The following MAPT variants were observed in gnomAD, a reference collection of about 807,000 sequenced individuals.
MAPT encodes microtubule-associated protein tau.
In MAPT, 34 loss-of-function variants were observed where a neutral mutation model predicts 67.9. The observed-to-expected ratio is 0.50, with a 90% confidence interval of 0.38 to 0.67. MAPT has a LOEUF of 0.67. Among genes scored for constraint, MAPT ranks in the 30% least tolerant of loss-of-function variants. The probability of loss-of-function intolerance (pLI) is 0.00; values close to 1 mark genes in which losing one functional copy is unlikely to be tolerated. For missense variants in MAPT, 881 were observed against 1,115.2 expected, an observed-to-expected ratio of 0.79 and a Z score of 2.99; for synonymous variants, 456 against 464.5, an observed-to-expected ratio of 0.98 and a Z score of 0.23.
At chr17:45,950,125 A>G (rs941944561) in intron 1 of MAPT, among the ~76,000 whole-genome samples, 5 of 151,750 alleles carry the variant, frequency 3.3e-5, no homozygotes, top group African/African-American at 1.2e-4. Flanking sequence ...GCAAGTTTCT[A>G]CCTCTCAGGT....
Position 45,996,590 on chromosome 17 carries a change from A to G in MAPT, c.1924A>G (p.Met642Val). 1.2e-6 allele frequency: 2 copies of G among 1,613,506 alleles called. No homozygotes were observed. Among genetic ancestry groups the G allele is most frequent in the Non-Finnish European group, 8.5e-7 (1 of 1,179,802 alleles). Residue 642 changes from methionine (M) to valine (V), a missense_variant, in exon 9 of 13, where the codon ATG (methionine) becomes GTG (valine). Met to Val is a conservative substitution (Grantham distance 21). Around this residue, in one of 6 missense-constraint regions of MAPT, gnomAD observed 45 missense variants for 43.2 expected, o/e 1.04. Coordinates refer to ENST00000262410, the MANE Select transcript of MAPT (RefSeq NM_001377265.1). The surrounding 1 kb of genome is among the most constrained non-coding windows in gnomAD (Gnocchi z 4.5). ...KSRLQTAPVP[M>V]PDLKNVKSKI... The stretch of plus-strand genomic sequence containing the variant: ...CCGCCTGCAGACAGCCCCCGTGCCC[A>G]TGCCAGACCTGAAGAATGTCAAGTC...
intron 3 of MAPT, 86 bp from the exon 4 acceptor site, chr17:45,978,289 A>C (rs1417554973): frequency 2.8e-6 from 3 of 1,064,186 alleles, no homozygotes; most frequent in Non-Finnish European, 4.4e-6. Flanking sequence ...TTAAGGGAAA[A>C]TGCCCGAAGG....
intron 8 of MAPT, among the ~76,000 whole-genome samples, chr17:45,994,175 C>G (rs1024621522): frequency 6.6e-6 from 1 of 152,190 alleles, no homozygotes; most frequent in Admixed American, 6.5e-5. Context: ...GCTTTCTAAT[C>G]CTGTGTGCTC....
intron 1 of MAPT, among the ~76,000 whole-genome samples, chr17:45,927,052 C>T (rs1418623849): frequency 2.0e-5 from 3 of 151,268 alleles, no homozygotes; most frequent in African/African-American, 7.3e-5. Context: ...ATTATATATG[C>T]AGAGAGTGCA....
In MAPT at chr17:45,990,045, C is replaced by A; in HGVS notation, c.1575C>A (p.Gly525=). 1.9e-6 allele frequency: 3 copies of A among 1,614,172 alleles called. No individual in the cohort carries two copies. In the South Asian group the frequency reaches 3.3e-5, roughly 18 times the overall value. The change falls in exon 7 of 13, where the codon GGC becomes GGA. Residue 525 remains glycine, a synonymous_variant. Coordinates refer to ENST00000262410, the MANE Select transcript of MAPT (RefSeq NM_001377265.1). Reference sequence around the variant, plus strand: ...TCTCTTCTGTCACTTCCCGAACTGGCAGTTCTGGAGCAAAGGAGATGAAAC... The same window carrying A: ...TCTCTTCTGTCACTTCCCGAACTGGAAGTTCTGGAGCAAAGGAGATGAAAC... ...KYVSSVTSRT[G]SSGAKEMKLK... is the part of the protein sequence containing the mutation.
At chr17:45,947,497 C>T (rs1270149899) in intron 1 of MAPT, among the ~76,000 whole-genome samples, 2 of 151,508 alleles carry the variant, frequency 1.3e-5, no homozygotes, top group Non-Finnish European at 2.9e-5. Flanking sequence ...AAGCAATTCT[C>T]CTGCCTCAGC....
chr17:46,004,272 G>T (rs930540644), intron 9 of MAPT, among the ~76,000 whole-genome samples: 1 of 152,194 alleles, frequency 6.6e-6, no homozygotes, highest in Non-Finnish European at 1.5e-5. Context: ...AGCCTTGAGA[G>T]AACTGAACCC....
At chr17:45,973,908 C>T (rs2072009538) in intron 3 of MAPT, 1 of 179,142 alleles carries the variant, frequency 5.6e-6, no homozygotes, top group South Asian at 1.3e-4. Context: ...TTGGAAGTCA[C>T]CTAGAGATGA....
intron 1 of MAPT, among the ~76,000 whole-genome samples, chr17:45,936,915 T>C (rs2067384148): frequency 2.0e-5 from 3 of 152,170 alleles, no homozygotes; most frequent in African/African-American, 7.2e-5. Context: ...CCCAGGGACA[T>C]AGAGCAGTGT....
At chr17:46,006,731 G>T (rs2075449885) in intron 9 of MAPT, among the ~76,000 whole-genome samples, 1 of 151,872 alleles carries the variant, frequency 6.6e-6, no homozygotes, top group Non-Finnish European at 1.5e-5. Context: ...TAGCTAACAT[G>T]GTGAAACCCC....
intron 1 of MAPT, among the ~76,000 whole-genome samples, chr17:45,918,034 A>G (rs1487240794): frequency 6.6e-6 from 1 of 152,068 alleles, no homozygotes; most frequent in African/African-American, 2.4e-5. Context: ...TCAGCCTCCC[A>G]AAGTGCTGGG....
At position 45,897,930 on chromosome 17, in the gene MAPT, T is replaced by G. The variant is rs1412595009; in HGVS notation, c.-18+3244T>G. The G allele has an allele frequency of 6.6e-6, 1 of 152,208 alleles. No individual in the cohort carries two copies. The highest frequency in any genetic ancestry group is 6.5e-5 in the Admixed American group (1 of 15,288). The allele number at this position is 152,208 out of a possible 1,614,324, so 9.4% of individuals were successfully genotyped here. ...TTGATTCTGGGGTGTCATTTTGTGT[T>G]TTGTGATGGCTGCTTATATTTACTG... On this transcript the variant is annotated intron_variant, in intron 1 of 12. Transcript: ENST00000262410. The surrounding 1 kb of genome is among the most constrained non-coding windows in gnomAD (Gnocchi z 5.0).
At chr17:45,998,760 C>T (rs1234273211) in intron 9 of MAPT, among the ~76,000 whole-genome samples, 2 of 152,120 alleles carry the variant, frequency 1.3e-5, no homozygotes, top group Admixed American at 6.5e-5. Flanking sequence ...GGGGACAATG[C>T]GCTCCCTCGT....
chr17:45,916,070 T>G (rs760416554), intron 1 of MAPT, among the ~76,000 whole-genome samples: 3 of 152,170 alleles, frequency 2.0e-5, no homozygotes, highest in Non-Finnish European at 2.9e-5. Flanking sequence ...CATGGTGGTC[T>G]CCGGTTCCTC....
In MAPT at chr17:45,926,155, G is replaced by A. The variant is rs576082110; in HGVS notation, c.-18+31469G>A. 7.9e-5 allele frequency among the ~76,000 whole-genome samples: 12 copies of A among 151,934 alleles called. No homozygotes were observed. The South Asian group carries it at 2.1e-3, about 26-fold the overall frequency. ...GAACCCAGGAGGTGGAGGTTGCAGTGAGCCAAGATCGTGCCACTGCACTCT... is the reference window on the plus strand; with the variant it reads ...GAACCCAGGAGGTGGAGGTTGCAGTAAGCCAAGATCGTGCCACTGCACTCT... On this transcript the variant is annotated intron_variant, in intron 1 of 12. Coordinates refer to ENST00000262410, the MANE Select transcript of MAPT (RefSeq NM_001377265.1).
At chr17:45,941,071 C>A (rs1471581564) in intron 1 of MAPT, among the ~76,000 whole-genome samples, 1 of 152,154 alleles carries the variant, frequency 6.6e-6, no homozygotes, top group African/African-American at 2.4e-5. Flanking sequence ...AGCCAGAGGG[C>A]TCCTGTTGGA....
intron 1 of MAPT, among the ~76,000 whole-genome samples, chr17:45,900,251 C>T (rs1412128557): frequency 1.3e-5 from 2 of 152,138 alleles, no homozygotes; most frequent in Non-Finnish European, 2.9e-5. Flanking sequence ...TCTGTCTCGC[C>T]CCTGTTGCCT....
At chr17:45,945,064 G>T (rs1287662765) in intron 1 of MAPT, among the ~76,000 whole-genome samples, 1 of 152,178 alleles carries the variant, frequency 6.6e-6, no homozygotes, top group Non-Finnish European at 1.5e-5. Flanking sequence ...ACCCACAAAG[G>T]TGTGGTTGGA....
chr17:45,987,727 T>C (rs1365315223), intron 6 of MAPT, among the ~76,000 whole-genome samples: 1 of 152,270 alleles, frequency 6.6e-6, no homozygotes, highest in Admixed American at 6.5e-5. Flanking sequence ...CACATAGCTC[T>C]GAGCATTCAG....
Sources: gnomAD v4.1 joint callset for allele counts (sites outside exome capture counted in the v4.1 genomes callset) on GRCh38, gnomAD v4.1.1 for gene constraint, gnomAD v4.1.1 regional missense constraint, Gnocchi (gnomAD v3.1) non-coding constraint, MANE v1.5 for transcripts, NCBI Gene and HGNC (gene_info 2026-07-23, HGNC 2026-07-21) for gene names.